NUP214: variants seen among roughly 807,000 people sequenced by gnomAD.
NUP214 encodes the protein nuclear pore complex protein Nup214.
In NUP214, 79 loss-of-function variants were observed where a neutral mutation model predicts 196.2. The observed-to-expected ratio is 0.40, with a 90% CI of 0.34 to 0.49. The LOEUF is 0.49. Among genes scored for constraint, NUP214 ranks in the 20% least tolerant of loss-of-function variants. NUP214 has a pLI of 0.58. For missense variants in NUP214, 2,468 were observed against 2,539.0 expected, an observed-to-expected ratio of 0.97 and a Z score of 0.60; for synonymous variants, 1,020 against 990.5, an observed-to-expected ratio of 1.03 and a Z score of -0.56.
At position 131,197,471 on chromosome 9, in the gene NUP214, T is replaced by C. The variant is rs1272554627; in HGVS notation, c.3977T>C (p.Leu1326Ser). 6.2e-7 allele frequency: 1 copy of C among 1,614,196 alleles called. No individual in the cohort carries two copies. Among genetic ancestry groups the C allele is most frequent in the East Asian group, 2.2e-5 (1 of 44,888 alleles). Residue 1326 changes from leucine (L) to serine (S), a missense_variant, in exon 29 of 36, where the codon TTG becomes TCG. Transcript: ENST00000359428. ...KLGELLFPSS[L>S]AGETLGSFSG... ...GGAGAGCTTCTGTTTCCAAGTTCTT[T>C]GGCTGGAGAGACTCTGGGAAGTTTT...
At chr9:131,159,086 T>C (rs1832547566) in intron 17 of NUP214, 1 of 263,484 alleles carries the variant, frequency 3.8e-6, no homozygotes, top group Non-Finnish European at 7.0e-6. Context: ...TTTTTATTTG[T>C]ATACATTATT....
intron 30 of NUP214, among the ~76,000 whole-genome samples, chr9:131,212,068 A>G (rs1182126864): frequency 6.6e-6 from 1 of 152,138 alleles, no homozygotes; most frequent in East Asian, 1.9e-4. Flanking sequence ...TCCTAGGGAG[A>G]GGTCTCTAAA....
chr9:131,223,727 A>ATTTTTTTATTTTTTTTTTTTTTTTTTT (rs1834638727), intron 32 of NUP214, among the ~76,000 whole-genome samples: 1 of 15,644 alleles, frequency 6.4e-5, no homozygotes, highest in Non-Finnish European at 1.4e-4. Context: ...TTATTTATTT[A>ATTTTTTTATTTTTTTTTTTTTTTTTTT]TTTTTTTTTT....
intron 33 of NUP214, chr9:131,229,416 A>G (rs978062708): frequency 7.8e-6 from 2 of 256,202 alleles, no homozygotes; most frequent in Non-Finnish European, 1.5e-5. Context: ...GTCTTAATGG[A>G]TGCTGTTCTC....
At chr9:131,218,023 A>G (rs1834450757) in intron 31 of NUP214, among the ~76,000 whole-genome samples, 1 of 152,188 alleles carries the variant, frequency 6.6e-6, no homozygotes, top group Admixed American at 6.5e-5. Context: ...GTCAAACATT[A>G]CTGGCTGATT....
intron 30 of NUP214, among the ~76,000 whole-genome samples, chr9:131,202,588 T>A (rs1833969604): frequency 6.6e-6 from 1 of 150,720 alleles, no homozygotes; most frequent in Non-Finnish European, 1.5e-5. Context: ...CACACCCAGC[T>A]ATTTTTTTTT....
At position 131,174,279 on chromosome 9, in the gene NUP214, C is replaced by G. The variant is rs1474746635; in HGVS notation, c.3118C>G (p.Leu1040Val). Residue 1040 changes from leucine to valine, a missense_variant, in exon 22 of 36, where the codon CTG becomes GTG. This residue lies in a region of NUP214 where 1,801 missense variants were observed against 1,779.4 expected (regional missense o/e 1.01). Coordinates refer to ENST00000359428, the MANE Select transcript of NUP214 (RefSeq NM_005085.4). ...PHAAPFAKSH[L>V]VHGSSPGVMG... ...TGCAGCACCTTTTGCTAAATCTCAC[C>G]TGGTTCATGGTTCTTCACCTGGTGT... is the stretch of plus-strand genomic sequence containing the variant. 2.5e-6 allele frequency: 4 copies of G among 1,613,784 alleles called. No homozygotes were observed. In the Admixed American group the frequency reaches 6.7e-5, roughly 27 times the overall value.
Position 131,159,290 on chromosome 9 carries a change from G to A in NUP214, c.2437-93G>A. 6 of 785,714 alleles carry A rather than the reference G, an allele frequency of 7.6e-6. No homozygotes were observed. In the South Asian group the frequency reaches 9.5e-5, roughly 12 times the overall value. The allele number at this position is 785,714 out of a possible 1,614,324, so 48.7% of individuals were successfully genotyped here. On this transcript the variant is annotated intron_variant, in intron 17 of 35. Coordinates refer to ENST00000359428, the MANE Select transcript of NUP214 (RefSeq NM_005085.4). ...CTTGTTCATTATGGTTCTTAATATA[G>A]AAGTATTTTAGAATTCTTTTGACTG...
chr9:131,139,135 C>T, intron 9 of NUP214, 146 bp from the exon 10 acceptor site: 1 of 894,332 alleles, frequency 1.1e-6, no homozygotes. Flanking sequence ...TCAGAGCCTC[C>T]TAGTCAACAC....
intron 11 of NUP214, among the ~76,000 whole-genome samples, chr9:131,141,162 T>G (rs2148662): frequency 0.27 from 40,568 of 150,690 alleles, 5,762 homozygotes; most frequent in East Asian, 0.41. Flanking sequence ...CCACTATTCT[T>G]TGTGATCTTT....
chr9:131,219,958 A>G (rs1834513407), intron 31 of NUP214, among the ~76,000 whole-genome samples: 1 of 152,178 alleles, frequency 6.6e-6, no homozygotes, highest in African/African-American at 2.4e-5. Context: ...TATCGGATTT[A>G]ATTGCTATCC....
chr9:131,140,191 C>T lies in NUP214; in HGVS notation c.1133-358C>T, dbSNP rs149619904. ...TCTCATTTTCCTACTAACCTAAGTACTTCTTAGATATTCTTCTCTTGGTCA... is the reference window on the plus strand; with the variant it reads ...TCTCATTTTCCTACTAACCTAAGTATTTCTTAGATATTCTTCTCTTGGTCA... On this transcript the variant is annotated intron_variant, in intron 10 of 35. Transcript: ENST00000359428. Among the ~76,000 whole-genome samples, 454 of 152,284 alleles carry T rather than the reference C, an allele frequency of 3.0e-3. 2 individuals carry two copies. The highest frequency in any genetic ancestry group is 8.7e-3 in the Admixed American group (133 of 15,300).
intron 24 of NUP214, among the ~76,000 whole-genome samples, chr9:131,180,088 A>G (rs1339148691): frequency 6.6e-6 from 1 of 152,230 alleles, no homozygotes; most frequent in African/African-American, 2.4e-5. Flanking sequence ...TAAATGGTTC[A>G]TCTGAGCTGA....
In NUP214 at chr9:131,197,722, G is replaced by T. The variant is rs370908198; in HGVS notation, c.4228G>T (p.Val1410Phe). Residue 1410 changes from valine (V) to phenylalanine (F), a missense_variant, in exon 29 of 36, where the codon GTT (valine) becomes TTT (phenylalanine). Val to Phe is a conservative substitution (Grantham distance 50, BLOSUM62 -1). Transcript: ENST00000359428. ...AGCCACCAGCACTTCCTCAACTGCCGTTTTTGGCAGTCTGCCAGTCACCAG... is the reference window on the plus strand; with the variant it reads ...AGCCACCAGCACTTCCTCAACTGCCTTTTTTGGCAGTCTGCCAGTCACCAG... ...PAATSTSSTA[V>F]FGSLPVTSAG... 2 of 1,614,054 alleles carry T rather than the reference G, an allele frequency of 1.2e-6. No homozygotes were observed. The highest frequency in any genetic ancestry group is 2.7e-5 in the African/African-American group (2 of 74,924).
intron 30 of NUP214, among the ~76,000 whole-genome samples, chr9:131,211,309 T>A (rs1203888781): frequency 6.6e-6 from 1 of 152,202 alleles, no homozygotes; most frequent in Non-Finnish European, 1.5e-5. Context: ...AAATGTCTCT[T>A]TTTCTTTTTA....
chr9:131,139,397 A>C lies in NUP214; in HGVS notation c.1122A>C (p.Glu374Asp), dbSNP rs778746069. The C allele has an allele frequency of 4.5e-5, 73 of 1,605,296 alleles. No individual in the cohort carries two copies. The highest frequency in any genetic ancestry group is 6.0e-5 in the Non-Finnish European group (71 of 1,177,166). The change falls in exon 10 of 36, where the codon GAA becomes GAC. Residue 374 changes from glutamate (E) to aspartate (D), a missense_variant. Around this residue, in one of 5 missense-constraint regions of NUP214, gnomAD observed 1,801 missense variants for 1,779.4 expected, o/e 1.01. Transcript: ENST00000359428. Reference sequence around the variant, plus strand: ...TCGTAGACTATACAAACCAAGTGGAAATCACCATCAGTAAGTGTAGCCTGG... The same window carrying C: ...TCGTAGACTATACAAACCAAGTGGACATCACCATCAGTAAGTGTAGCCTGG... ...GVVVDYTNQV[E>D]ITISDEKTLP...
At chr9:131,154,976 A>T (rs1159885453) in intron 17 of NUP214, among the ~76,000 whole-genome samples, 1 of 152,186 alleles carries the variant, frequency 6.6e-6, no homozygotes, top group African/African-American at 2.4e-5. Flanking sequence ...TGTCTTTTTC[A>T]TGTAATGACT....
intron 30 of NUP214, 149 bp from the exon 31 acceptor site, chr9:131,215,063 T>G (rs114708683): frequency 0.031 from 17,607 of 568,568 alleles, 381 homozygotes; most frequent in African/African-American, 0.078. Flanking sequence ...GAGTCTAGCT[T>G]CTTTTGTGGT....
At chr9:131,166,705 C>T (rs1344474345) in intron 21 of NUP214, among the ~76,000 whole-genome samples, 1 of 152,086 alleles carries the variant, frequency 6.6e-6, no homozygotes, top group African/African-American at 2.4e-5. Flanking sequence ...CCCCAGTTTT[C>T]CTTCTTCCCC....
Sources: allele counts gnomAD v4.1 joint callset (sites outside exome capture counted in the v4.1 genomes callset), GRCh38; gene constraint gnomAD v4.1.1; regional missense constraint gnomAD v4.1.1; transcripts MANE v1.5; gene names NCBI Gene and HGNC (gene_info 2026-07-23, HGNC 2026-07-21).